CCSER1: variants seen among roughly 807,000 people sequenced by gnomAD.
CCSER1 encodes the protein serine-rich coiled-coil domain-containing protein 1.
CCSER1 carries 41 observed loss-of-function variants against 82.0 expected under a neutral mutation model. The ratio of observed to expected loss-of-function variants is 0.50; its 90% CI spans 0.39 to 0.65. The LOEUF is 0.65. Ranked by LOEUF, CCSER1 falls within the 30% of genes least tolerant of loss-of-function variation. CCSER1 has a pLI of 0.00. For missense variants in CCSER1, 1,119 were observed against 1,064.2 expected (o/e 1.05, Z -0.72); for synonymous variants, 414 against 383.9 (o/e 1.08, Z -0.92).
At chr4:90,274,218 G>GA (rs1435929283) in intron 1 of CCSER1, among the ~76,000 whole-genome samples, 1 of 152,080 alleles carries the variant, frequency 6.6e-6, no homozygotes, top group Non-Finnish European at 1.5e-5. Flanking sequence ...CAAACTTTAA[G>GA]AAAGGACATT....
intron 10 of CCSER1, among the ~76,000 whole-genome samples, chr4:91,451,228 C>T (rs570409169): frequency 6.6e-6 from 1 of 151,966 alleles, no homozygotes; most frequent in Non-Finnish European, 1.5e-5. Context: ...AAACATCCCA[C>T]CTCCTGATAC....
intron 10 of CCSER1, among the ~76,000 whole-genome samples, chr4:91,276,933 C>T (rs1007057746): frequency 1.3e-5 from 2 of 151,990 alleles, no homozygotes; most frequent in Non-Finnish European, 2.9e-5. Flanking sequence ...ATTCTTCATA[C>T]TGTTGAGGTG....
intron 4 of CCSER1, among the ~76,000 whole-genome samples, chr4:90,418,246 C>G (rs1015797898): frequency 6.6e-6 from 1 of 152,018 alleles, no homozygotes; most frequent in Non-Finnish European, 1.5e-5. Flanking sequence ...TTAAGAACTA[C>G]TGCTAATACC....
intron 1 of CCSER1, among the ~76,000 whole-genome samples, chr4:90,134,990 A>G (rs945963475): frequency 2.6e-5 from 4 of 152,226 alleles, no homozygotes; most frequent in African/African-American, 9.6e-5. Flanking sequence ...TAATAATATC[A>G]AGGATTAAAA....
intron 9 of CCSER1, among the ~76,000 whole-genome samples, chr4:90,968,530 G>T (rs992930506): frequency 4.6e-5 from 7 of 151,906 alleles, no homozygotes; most frequent in Non-Finnish European, 8.8e-5. Flanking sequence ...AATAAACAGG[G>T]GACTCTCAGC....
At chr4:91,471,883 T>G (rs914817403) in intron 10 of CCSER1, among the ~76,000 whole-genome samples, 1 of 143,598 alleles carries the variant, frequency 7.0e-6, no homozygotes, top group Non-Finnish European at 1.5e-5. Context: ...GGCAGGAGAA[T>G]GGCGTGAACC....
At chr4:90,710,274 TTG>T (rs1256607727) in intron 6 of CCSER1, among the ~76,000 whole-genome samples, 3 of 152,038 alleles carry the variant, frequency 2.0e-5, no homozygotes, top group African/African-American at 7.2e-5. Flanking sequence ...TAGTTTTTTG[TTG>T]TTGTTGTTGT....
chr4:91,452,464 A>C (rs1755925571), intron 10 of CCSER1, among the ~76,000 whole-genome samples: 1 of 152,046 alleles, frequency 6.6e-6, no homozygotes, highest in Non-Finnish European at 1.5e-5. Flanking sequence ...TACCAGAAAT[A>C]CTAAAAAACA....
chr4:91,395,428 C>T (rs1235925826), intron 10 of CCSER1, among the ~76,000 whole-genome samples: 1 of 151,996 alleles, frequency 6.6e-6, no homozygotes, highest in Non-Finnish European at 1.5e-5. Context: ...TTTCCAAATG[C>T]GGCCTGATGG....
chr4:91,082,569 T>C (rs560881821), intron 9 of CCSER1, among the ~76,000 whole-genome samples: 6 of 152,218 alleles, frequency 3.9e-5, no homozygotes, highest in African/African-American at 1.2e-4. Flanking sequence ...TGGGATCTAA[T>C]TAAACTAAAG....
At chr4:90,787,494 C>G (rs148380630) in intron 7 of CCSER1, among the ~76,000 whole-genome samples, 57 of 152,270 alleles carry the variant, frequency 3.7e-4, no homozygotes, top group Middle Eastern at 3.4e-3. Context: ...TGGTTGTTTA[C>G]TTAGGTTGCT....
At position 90,326,055 on chromosome 4, in the gene CCSER1, C is replaced by CTTT. The variant is rs371592827; in HGVS notation, c.1509+13027_1509+13029dup. On this transcript the variant is annotated intron_variant, in intron 3 of 10. Coordinates refer to ENST00000509176, the MANE Select transcript of CCSER1 (RefSeq NM_001145065.2). The stretch of plus-strand genomic sequence containing the variant: ...ATTTCACAATCTTCCTATGTGATAC[C>CTTT]TTTTTTTTTTTTTTTTTTTTTGAGA... Among the ~76,000 whole-genome samples the CTTT allele has an allele frequency of 4.9e-3, 552 of 111,570 alleles. 12 individuals are homozygous for CTTT. The highest frequency in any genetic ancestry group is 7.4e-3 in the Non-Finnish European group (410 of 55,164). The allele number at this position is 111,570 out of a possible 152,430, so 73.2% of individuals were successfully genotyped here.
intron 10 of CCSER1, among the ~76,000 whole-genome samples, chr4:91,470,391 C>T (rs1757194607): frequency 6.6e-6 from 1 of 151,980 alleles, no homozygotes; most frequent in African/African-American, 2.4e-5. Context: ...TCTTCTACTG[C>T]AACTAATCTT....
chr4:90,640,867 T>C (rs1306227346), intron 6 of CCSER1, among the ~76,000 whole-genome samples: 1 of 152,072 alleles, frequency 6.6e-6, no homozygotes, highest in African/African-American at 2.4e-5. Context: ...GAATTATGAG[T>C]CAAACATCTT....
intron 8 of CCSER1, among the ~76,000 whole-genome samples, chr4:90,827,294 C>T (rs1760593573): frequency 6.6e-6 from 1 of 152,112 alleles, no homozygotes; most frequent in East Asian, 1.9e-4. Flanking sequence ...AATTAGATTA[C>T]AATAAAGTTA....
intron 4 of CCSER1, among the ~76,000 whole-genome samples, chr4:90,413,651 C>G (rs1015384685): frequency 6.6e-5 from 10 of 151,750 alleles, no homozygotes; most frequent in African/African-American, 2.4e-4. Context: ...TTCATAAATC[C>G]TTGTAATAAA....
chr4:91,281,666 T>C (rs1742920280), intron 10 of CCSER1, among the ~76,000 whole-genome samples: 1 of 152,232 alleles, frequency 6.6e-6, no homozygotes, highest in South Asian at 2.1e-4. Context: ...TTTGTTTAGC[T>C]ATTCTGGACT....
intron 6 of CCSER1, among the ~76,000 whole-genome samples, chr4:90,691,700 T>C (rs79637207): frequency 4.9e-5 from 4 of 81,720 alleles, no homozygotes; most frequent in South Asian, 4.1e-4. Flanking sequence ...TATACACACA[T>C]ATATGTTATT....
chr4:91,489,869 A>G (rs115251025), intron 10 of CCSER1, among the ~76,000 whole-genome samples: 15,561 of 152,214 alleles, frequency 0.1, 972 homozygotes, highest in Middle Eastern at 0.17. Context: ...CAACCCGAAT[A>G]TATATGGACC....
Sources: gnomAD v4.1 joint callset for allele counts (sites outside exome capture counted in the v4.1 genomes callset) on GRCh38, gnomAD v4.1.1 for gene constraint, MANE v1.5 for transcripts, NCBI Gene and HGNC (gene_info 2026-07-23, HGNC 2026-07-21) for gene names.